PRELID2: variants seen among roughly 807,000 people sequenced by gnomAD.
The protein encoded by PRELID2 is PRELI domain containing 2.
A neutral mutation model predicts 28.4 loss-of-function variants in PRELID2; 25 were observed. The ratio of observed to expected loss-of-function variants is 0.88; its 90% CI spans 0.64 to 1.23. The LOEUF is 1.23. Among genes scored for constraint, PRELID2 ranks in the 50% most tolerant of loss-of-function variants. The pLI, the probability that PRELID2 is intolerant of heterozygous loss-of-function variation, is 0.00. For synonymous variants in PRELID2, 76 were observed against 71.6 expected, an observed-to-expected ratio of 1.06 and a Z score of -0.31; for missense variants, 201 against 214.4, an observed-to-expected ratio of 0.94 and a Z score of 0.39.
intron 1 of PRELID2, among the ~76,000 whole-genome samples, chr5:145,553,391 C>T (rs1423512863): frequency 6.6e-6 from 1 of 152,172 alleles, no homozygotes; most frequent in African/African-American, 2.4e-5. Flanking sequence ...AGCAAAGTGA[C>T]TAAGGAGTGC....
At chr5:145,280,416 G>T in the PRELID2 span, among the ~76,000 whole-genome samples, 1 of 152,158 alleles carries the variant, frequency 6.6e-6, no homozygotes, top group South Asian at 2.1e-4. Context: ...AAACAGAGTA[G>T]TGATGTATGG....
At chr5:145,457,681 T>A in the PRELID2 span, among the ~76,000 whole-genome samples, 3 of 152,156 alleles carry the variant, frequency 2.0e-5, no homozygotes, top group African/African-American at 7.2e-5. Flanking sequence ...CAGAAGAGTG[T>A]CTCACTTTTC....
the PRELID2 span, among the ~76,000 whole-genome samples, chr5:145,282,162 A>G: frequency 3.9e-5 from 6 of 152,212 alleles, no homozygotes; most frequent in Non-Finnish European, 8.8e-5. Context: ...AATGTTAACT[A>G]TTGGTGTTGT....
chr5:145,713,584 GTATA>G (rs1310763796), intron 1 of PRELID2, among the ~76,000 whole-genome samples: 1 of 128,570 alleles, frequency 7.8e-6, no homozygotes, highest in Non-Finnish European at 1.6e-5. Flanking sequence ...ATACACTAAA[GTATA>G]TATACTTTAT....
chr5:145,360,190 C>T, the PRELID2 span, among the ~76,000 whole-genome samples: 8 of 152,100 alleles, frequency 5.3e-5, no homozygotes, highest in Non-Finnish European at 8.8e-5. Context: ...CAATGTGACT[C>T]CAAATGGGGA....
At chr5:145,778,907 A>G (rs184279193) in intron 5 of PRELID2, among the ~76,000 whole-genome samples, 1 of 152,342 alleles carries the variant, frequency 6.6e-6, no homozygotes, top group Admixed American at 6.5e-5. Context: ...TCCTGTAACA[A>G]TAGTACTCAC....
the PRELID2 span, among the ~76,000 whole-genome samples, chr5:145,290,964 G>T: frequency 6.6e-5 from 10 of 151,668 alleles, no homozygotes. Flanking sequence ...TTAGAGATAG[G>T]TTTTTACAGA....
At chr5:145,685,008 G>C (rs182469132) in intron 1 of PRELID2, among the ~76,000 whole-genome samples, 4 of 152,248 alleles carry the variant, frequency 2.6e-5, no homozygotes, top group Admixed American at 6.5e-5. Context: ...CTCCCTCACT[G>C]TCCACATCCA....
At chr5:145,564,801 C>G (rs550523098) in intron 1 of PRELID2, among the ~76,000 whole-genome samples, 1 of 152,296 alleles carries the variant, frequency 6.6e-6, no homozygotes, top group Non-Finnish European at 1.5e-5. Flanking sequence ...AGCTCACAGC[C>G]TTTCCAACTT....
chr5:145,501,198 G>A (rs908475282), intron 1 of PRELID2, among the ~76,000 whole-genome samples: 10 of 152,186 alleles, frequency 6.6e-5, no homozygotes, highest in Admixed American at 2.0e-4. Context: ...TCTGGTTCAC[G>A]GAATTCTGAC....
At chr5:145,297,828 GACAA>G in the PRELID2 span, among the ~76,000 whole-genome samples, 3 of 151,842 alleles carry the variant, frequency 2.0e-5, no homozygotes, top group Non-Finnish European at 4.4e-5. Flanking sequence ...ACCAATAACA[GACAA>G]ACAGAGAGCC....
At chr5:145,675,807 C>G (rs1023207789) in intron 1 of PRELID2, among the ~76,000 whole-genome samples, 5 of 152,062 alleles carry the variant, frequency 3.3e-5, no homozygotes, top group African/African-American at 1.2e-4. Flanking sequence ...CGGCTATGAA[C>G]CAGCAAGGTA....
chr5:145,635,424 C>T lies in PRELID2; in HGVS notation n.70+129507G>A, dbSNP rs150360702. The stretch of plus-strand genomic sequence containing the variant: ...TAATAATATTTAATATAATATATAC[C>T]AGGTATTAACTTCATACACCGAACT... On this transcript the variant is annotated intron_variant and non_coding_transcript_variant, in intron 1 of 2. Coordinates refer to the PRELID2 transcript ENST00000510259. Among the ~76,000 whole-genome samples, 196 of 151,882 alleles carry T rather than the reference C, an allele frequency of 1.3e-3. 2 individuals are homozygous for T. Among genetic ancestry groups the T allele is most frequent in the African/African-American group, 4.6e-3 (192 of 41,388 alleles).
rs57586640 is a variant in PRELID2, at chr5:145,610,463, T to TA, written n.71-137149dup. 1.2e-3 allele frequency among the ~76,000 whole-genome samples: 176 copies of TA among 147,394 alleles called. 2 individuals carry two copies. The highest frequency in any genetic ancestry group is 7.0e-3 in the Middle Eastern group (2 of 286). On this transcript the variant is annotated intron_variant and non_coding_transcript_variant, in intron 1 of 2. Coordinates refer to the PRELID2 transcript ENST00000510259. ...AGAGAAAAGATCATCATTCTCAATT[T>TA]AAAAAAAAAAAATGATAATTCAAAA...
chr5:145,827,806 T>G (rs930258594), intron 1 of PRELID2, among the ~76,000 whole-genome samples: 1 of 152,186 alleles, frequency 6.6e-6, no homozygotes, highest in East Asian at 1.9e-4. Flanking sequence ...CGTCCTACAC[T>G]GCAGGACACT....
chr5:145,248,422 C>T, the PRELID2 span, among the ~76,000 whole-genome samples: 1 of 152,050 alleles, frequency 6.6e-6, no homozygotes, highest in Non-Finnish European at 1.5e-5. Flanking sequence ...GAGAAGCCAG[C>T]TCTGAGTTGA....
the PRELID2 span, among the ~76,000 whole-genome samples, chr5:145,386,314 C>T: frequency 6.6e-6 from 1 of 152,044 alleles, no homozygotes; most frequent in Non-Finnish European, 1.5e-5. Context: ...CCAGGTCCCT[C>T]CCATGACACA....
the PRELID2 span, among the ~76,000 whole-genome samples, chr5:145,383,622 C>A: frequency 7.3e-4 from 93 of 127,068 alleles, no homozygotes; most frequent in Admixed American, 7.0e-4. Flanking sequence ...TGTCAGCATG[C>A]AAAAAAAAAA....
chr5:145,822,014 A>G (rs1244984446), intron 2 of PRELID2, among the ~76,000 whole-genome samples: 1 of 152,176 alleles, frequency 6.6e-6, no homozygotes, highest in African/African-American at 2.4e-5. Context: ...TAATATATCT[A>G]TATGGTTATA....
Sources: gnomAD v4.1 joint callset for allele counts (sites outside exome capture counted in the v4.1 genomes callset) on GRCh38, gnomAD v4.1.1 for gene constraint, MANE v1.5 for transcripts, NCBI Gene and HGNC (gene_info 2026-07-23, HGNC 2026-07-21) for gene names.